RNGTT: variants seen among roughly 807,000 people sequenced by gnomAD.
RNGTT encodes the protein mRNA-capping enzyme.
A neutral mutation model predicts 79.3 loss-of-function variants in RNGTT; 33 were observed. The observed-to-expected ratio is 0.42, with a 90% CI of 0.32 to 0.56. The LOEUF is 0.56. Among genes scored for constraint, RNGTT ranks in the 20% least tolerant of loss-of-function variants. The pLI is 0.17. For synonymous variants in RNGTT, 222 were observed against 235.9 expected (o/e 0.94, Z 0.54); for missense variants, 497 against 739.1 (o/e 0.67, Z 3.80).
At chr6:88,822,067 G>T (rs1445394107) in intron 11 of RNGTT, among the ~76,000 whole-genome samples, 2 of 152,120 alleles carry the variant, frequency 1.3e-5, no homozygotes, top group East Asian at 3.9e-4. Flanking sequence ...GCCAAAAAGT[G>T]AACTGAATTT....
intron 13 of RNGTT, among the ~76,000 whole-genome samples, chr6:88,720,561 A>G (rs529980680): frequency 1.3e-5 from 2 of 152,078 alleles, no homozygotes; most frequent in East Asian, 3.9e-4. Flanking sequence ...TTAATTACCT[A>G]GTACTTATTA....
chr6:88,850,802 C>CA (rs1582541313), intron 9 of RNGTT, among the ~76,000 whole-genome samples: 1 of 151,886 alleles, frequency 6.6e-6, no homozygotes, highest in East Asian at 1.9e-4. Context: ...AATGGTATAA[C>CA]AAAGGCATGA....
chr6:88,801,728 A>G (rs929971667), intron 11 of RNGTT, 96 bp from the exon 12 acceptor site: 19 of 738,976 alleles, frequency 2.6e-5, no homozygotes, highest in African/African-American at 1.8e-4. Flanking sequence ...TTCTTAATAT[A>G]TAAGTTATAA....
intron 6 of RNGTT, among the ~76,000 whole-genome samples, chr6:88,901,527 G>C (rs1258368518): frequency 1.6e-5 from 1 of 64,058 alleles, no homozygotes; most frequent in Non-Finnish European, 2.6e-5. Flanking sequence ...TTTTTTTTGA[G>C]ATGGAGTCTC....
intron 13 of RNGTT, among the ~76,000 whole-genome samples, chr6:88,704,279 A>AAAC (rs1562206113): frequency 2.7e-5 from 4 of 146,898 alleles, no homozygotes; most frequent in African/African-American, 7.6e-5. Context: ...AAAAAAAAAA[A>AAAC]AAAAAAAGAC....
intron 14 of RNGTT, among the ~76,000 whole-genome samples, chr6:88,637,534 T>A (rs1773142916): frequency 6.6e-6 from 1 of 152,092 alleles, no homozygotes; most frequent in African/African-American, 2.4e-5. Flanking sequence ...TCCTGAGCAG[T>A]GCCCCATGCA....
At chr6:88,620,815 G>A (rs993251020) in intron 14 of RNGTT, among the ~76,000 whole-genome samples, 2 of 152,100 alleles carry the variant, frequency 1.3e-5, no homozygotes, top group African/African-American at 4.8e-5. Flanking sequence ...TAGTTGAAGC[G>A]AGTTCACAGT....
At chr6:88,870,511 C>CAAA (rs751016965) in intron 8 of RNGTT, among the ~76,000 whole-genome samples, 1 of 91,722 alleles carries the variant, frequency 1.1e-5, no homozygotes. Flanking sequence ...CAATTAAGAG[C>CAAA]AAAAAAAAAA....
intron 13 of RNGTT, among the ~76,000 whole-genome samples, chr6:88,693,371 A>G (rs1775550336): frequency 6.6e-6 from 1 of 152,128 alleles, no homozygotes; most frequent in Non-Finnish European, 1.5e-5. Context: ...AATAGAAGAA[A>G]CGGGTAAATT....
At position 88,929,293 on chromosome 6, in the gene RNGTT, CA is replaced by C. The variant is rs1562043708; in HGVS notation, c.175-27del. Reference sequence around the variant, plus strand: ...CTAAAAAAAAAAAAAAATGAAAGGGCAAATTTACTAGTAACTTAATTTGTTC... The same window carrying C: ...CTAAAAAAAAAAAAAAATGAAAGGGCAATTTACTAGTAACTTAATTTGTTC... On this transcript the variant is annotated intron_variant, in intron 2 of 15. Coordinates refer to ENST00000369485, the MANE Select transcript of RNGTT (RefSeq NM_003800.5). 1.2e-5 allele frequency: 16 copies of C among 1,319,532 alleles called. No individual in the cohort carries two copies. The South Asian group carries it at 2.0e-4, about 17-fold the overall frequency. The allele number at this position is 1,319,532 out of a possible 1,614,324, so 81.7% of individuals were successfully genotyped here.
At chr6:88,906,542 A>G (rs1783659682) in intron 4 of RNGTT, 102 bp from the exon 5 acceptor site, 1 of 644,148 alleles carries the variant, frequency 1.6e-6, no homozygotes, top group African/African-American at 1.9e-5. Context: ...GCTAGTTTAT[A>G]AAATAATTAC....
chr6:88,892,499 T>C, intron 6 of RNGTT, among the ~76,000 whole-genome samples: 1 of 152,060 alleles, frequency 6.6e-6, no homozygotes, highest in East Asian at 1.9e-4. Flanking sequence ...TTGGATATAT[T>C]AACATACTAA....
At chr6:88,833,413 G>C (rs566381665) in intron 11 of RNGTT, among the ~76,000 whole-genome samples, 1 of 152,084 alleles carries the variant, frequency 6.6e-6, no homozygotes, top group Admixed American at 6.6e-5. Context: ...TCACACATGG[G>C]GTCCTGTTGG....
intron 12 of RNGTT, among the ~76,000 whole-genome samples, chr6:88,787,224 C>T (rs1006261023): frequency 1.3e-5 from 2 of 152,050 alleles, no homozygotes; most frequent in African/African-American, 2.4e-5. Context: ...CAGCAAAACA[C>T]ACAGGGAAAC....
intron 12 of RNGTT, among the ~76,000 whole-genome samples, chr6:88,776,020 A>G (rs1436713308): frequency 2.0e-5 from 3 of 152,092 alleles, no homozygotes; most frequent in Non-Finnish European, 4.4e-5. Context: ...ACATTTCTCT[A>G]TGAGGTACTA....
chr6:88,852,099 T>C (rs1781693917), intron 9 of RNGTT, among the ~76,000 whole-genome samples: 1 of 152,106 alleles, frequency 6.6e-6, no homozygotes, highest in Non-Finnish European at 1.5e-5. Context: ...ATGTGATTTA[T>C]TTCTCCTCTA....
At chr6:88,958,339 G>A (rs1216406746) in intron 1 of RNGTT, among the ~76,000 whole-genome samples, 1 of 152,068 alleles carries the variant, frequency 6.6e-6, no homozygotes, top group Non-Finnish European at 1.5e-5. Context: ...GAACCCAAAA[G>A]CAAATGCAAC....
chr6:88,753,995 A>C (rs1266310537), intron 13 of RNGTT, among the ~76,000 whole-genome samples: 2 of 152,200 alleles, frequency 1.3e-5, no homozygotes, highest in Non-Finnish European at 2.9e-5. Flanking sequence ...TCCTCCCTAG[A>C]AGGGAATTGT....
At chr6:88,769,922 T>C (rs1778592278) in intron 12 of RNGTT, 48 bp from the exon 13 acceptor site, 2 of 1,301,462 alleles carry the variant, frequency 1.5e-6, no homozygotes, top group Non-Finnish European at 2.2e-6. Context: ...AGTTAAAAAT[T>C]AAACATTCAA....
Sources: allele counts gnomAD v4.1 joint callset (sites outside exome capture counted in the v4.1 genomes callset), GRCh38; gene constraint gnomAD v4.1.1; transcripts MANE v1.5; gene names NCBI Gene and HGNC (gene_info 2026-07-23, HGNC 2026-07-21).